Variants in ITPR1 observed in about 807,000 individuals in gnomAD.
The protein encoded by ITPR1 is inositol 1,4,5-trisphosphate-gated calcium channel ITPR1.
ITPR1 carries 96 observed loss-of-function variants against 318.4 expected under a neutral mutation model. That is an observed-to-expected ratio of 0.30 (90% CI 0.26 to 0.36). ITPR1 has a LOEUF of 0.36. Ranked by LOEUF, ITPR1 falls within the 10% of genes least tolerant of loss-of-function variation. The probability of loss-of-function intolerance (pLI) is 1.00; values close to 1 mark genes in which losing one functional copy is unlikely to be tolerated. For synonymous variants in ITPR1, 1,312 were observed against 1,289.9 expected (o/e 1.02, Z -0.37); for missense variants, 2,440 against 3,460.2 (o/e 0.71, Z 7.40).
chr3:4,609,510 A>C (rs1252791994), intron 4 of ITPR1, among the ~76,000 whole-genome samples: 2 of 152,104 alleles, frequency 1.3e-5, no homozygotes, highest in Non-Finnish European at 2.9e-5. Context: ...GAATGTGTTC[A>C]TTAGGGGTAC....
intron 4 of ITPR1, among the ~76,000 whole-genome samples, chr3:4,552,278 A>T (rs2085644519): frequency 6.6e-6 from 1 of 152,198 alleles, no homozygotes; most frequent in African/African-American, 2.4e-5. Flanking sequence ...TAGATCCCAC[A>T]GATTGGAGGC....
At chr3:4,822,076 C>A (rs1246585026) in intron 60 of ITPR1, among the ~76,000 whole-genome samples, 1 of 152,168 alleles carries the variant, frequency 6.6e-6, no homozygotes, top group Non-Finnish European at 1.5e-5. Flanking sequence ...CTTCCCTCGC[C>A]GTGTGACCCT....
In ITPR1 at chr3:4,782,664, G is replaced by A; in HGVS notation, c.6433G>A (p.Glu2145Lys). 1 of 1,605,192 alleles carries A rather than the reference G, an allele frequency of 6.2e-7. No homozygotes were observed. Residue 2145 changes from glutamate (E) to lysine (K), a missense_variant, in exon 50 of 62, where the codon GAG becomes AAG. By Grantham distance (56) the Glu-to-Lys change is moderately conservative. Coordinates refer to ENST00000649015, the MANE Select transcript of ITPR1 (RefSeq NM_001378452.1). ...KAYMQGEVEFEDGENGEDGAA... is the reference protein window; with the variant it reads ...KAYMQGEVEFKDGENGEDGAA... ...CTACATGCAAGGTGAAGTGGAATTT[G>A]AGGATGGAGAAAACGGTGAGGATGG... is the stretch of plus-strand genomic sequence containing the variant.
intron 4 of ITPR1, among the ~76,000 whole-genome samples, chr3:4,626,329 A>G (rs2092827097): frequency 6.6e-6 from 1 of 152,214 alleles, no homozygotes; most frequent in South Asian, 2.1e-4. Context: ...CCTGTTATTT[A>G]TGATGGTTTC....
At chr3:4,735,100 A>T in intron 43 of ITPR1, 64 bp from the exon 44 acceptor site, 1 of 1,281,754 alleles carries the variant, frequency 7.8e-7, no homozygotes, top group East Asian at 2.3e-5. Context: ...GGTGCGTAGT[A>T]AGTATGCAGC....
intron 46 of ITPR1, among the ~76,000 whole-genome samples, chr3:4,774,539 C>G (rs920198474): frequency 2.0e-5 from 3 of 152,164 alleles, no homozygotes; most frequent in Admixed American, 2.0e-4. Context: ...ACAAAAATCT[C>G]CTCATTAAAA....
intron 4 of ITPR1, among the ~76,000 whole-genome samples, chr3:4,561,951 A>G (rs907867131): frequency 6.6e-5 from 10 of 152,154 alleles, no homozygotes; most frequent in Admixed American, 2.0e-4. Flanking sequence ...CATTTATTCA[A>G]TTTTGTCTTT....
chr3:4,699,788 C>T, intron 34 of ITPR1, 25 bp from the exon 35 acceptor site: 1 of 1,612,278 alleles, frequency 6.2e-7, no homozygotes, highest in Non-Finnish European at 8.5e-7. Flanking sequence ...TGGTGTAATG[C>T]TTAACATACC....
chr3:4,516,445 C>G, intron 2 of ITPR1, 31 bp from the exon 3 acceptor site: 1 of 1,159,110 alleles, frequency 8.6e-7, no homozygotes, highest in Non-Finnish European at 1.2e-6. Flanking sequence ...TTCTTTTCTT[C>G]TAACAATGCT....
intron 4 of ITPR1, among the ~76,000 whole-genome samples, chr3:4,607,544 A>G (rs1254339881): frequency 1.3e-5 from 2 of 152,272 alleles, no homozygotes; most frequent in South Asian, 2.1e-4. Context: ...TTTTATACAC[A>G]TAGTGCTGAC....
At chr3:4,558,333 A>G in intron 4 of ITPR1, among the ~76,000 whole-genome samples, 1 of 152,360 alleles carries the variant, frequency 6.6e-6, no homozygotes, top group Non-Finnish European at 1.5e-5. Flanking sequence ...ATTGAAATGT[A>G]TTCATATTAC....
intron 10 of ITPR1, 58 bp downstream of exon 10, chr3:4,645,786 G>GTT (rs1559603955): frequency 1.1e-6 from 1 of 948,830 alleles, no homozygotes; most frequent in African/African-American, 1.6e-5. Context: ...CTGTATATAG[G>GTT]CTCTCTCTCT....
intron 4 of ITPR1, among the ~76,000 whole-genome samples, chr3:4,551,501 T>A (rs1202953112): frequency 1.3e-5 from 2 of 152,328 alleles, no homozygotes; most frequent in African/African-American, 4.8e-5. Flanking sequence ...ATGCTTCTTA[T>A]CTAGAGAGAT....
At chr3:4,700,675 T>C (rs2094634125) in intron 35 of ITPR1, among the ~76,000 whole-genome samples, 1 of 152,192 alleles carries the variant, frequency 6.6e-6, no homozygotes, top group Non-Finnish European at 1.5e-5. Context: ...TCGTGTCCTT[T>C]TGCTCTTCCA....
At chr3:4,668,737 A>G (rs1022993785) in intron 18 of ITPR1, among the ~76,000 whole-genome samples, 1 of 152,172 alleles carries the variant, frequency 6.6e-6, no homozygotes. Context: ...AAGTGCTGGG[A>G]TTACAGGCGT....
At chr3:4,560,406 A>G (rs142462861) in intron 4 of ITPR1, among the ~76,000 whole-genome samples, 2 of 152,292 alleles carry the variant, frequency 1.3e-5, no homozygotes, top group African/African-American at 4.8e-5. Context: ...ATTAGTTATT[A>G]TTTTGTAGAG....
intron 2 of ITPR1, among the ~76,000 whole-genome samples, chr3:4,507,099 ATTTT>A (rs201789825): frequency 7.3e-6 from 1 of 137,622 alleles, no homozygotes. Flanking sequence ...AAGAGTAGCA[ATTTT>A]TTTTTTTTTT....
Position 4,673,283 on chromosome 3 carries a change from C to T in ITPR1, c.2352C>T (p.Arg784=), listed in dbSNP as rs771403784. 6.2e-7 allele frequency: 1 copy of T among 1,614,026 alleles called. No homozygotes were observed. The highest frequency in any genetic ancestry group is 8.5e-7 in the Non-Finnish European group (1 of 1,179,896). ...ATGACCTCAGGGCGTCCTTCTGCCG[C>T]CTCATGCTTCACATGCATGTGGACC... ...LPYDLRASFC[R]LMLHMHVDRD... is the part of the protein sequence containing the mutation. The change falls in exon 21 of 62, where the codon CGC becomes CGT. Residue 784 remains arginine (R), a synonymous_variant. Coordinates refer to ENST00000649015, the MANE Select transcript of ITPR1 (RefSeq NM_001378452.1).
intron 39 of ITPR1, among the ~76,000 whole-genome samples, chr3:4,713,386 G>A (rs17041276): frequency 0.018 from 2,758 of 152,200 alleles, 80 homozygotes; most frequent in African/African-American, 0.063. Context: ...AGTAAACTTC[G>A]GTGCCTCTAT....
Sources: gnomAD v4.1 joint callset for allele counts (sites outside exome capture counted in the v4.1 genomes callset) on GRCh38, gnomAD v4.1.1 for gene constraint, MANE v1.5 for transcripts, NCBI Gene and HGNC (gene_info 2026-07-23, HGNC 2026-07-21) for gene names.